CAPS2: variants seen among roughly 807,000 people sequenced by gnomAD.
The protein encoded by CAPS2 is calcyphosine 2.
Under a neutral mutation model 86.5 loss-of-function variants are expected in CAPS2, and 98 were observed. The observed-to-expected ratio is 1.13, with a 90% CI of 0.96 to 1.34. The LOEUF is 1.34. CAPS2 is among the 40% of genes most tolerant of loss of function. The pLI, the probability that CAPS2 is intolerant of heterozygous loss-of-function variation, is 0.00. For missense variants in CAPS2, 729 were observed against 686.8 expected (o/e 1.06, Z -0.69); for synonymous variants, 210 against 225.1 (o/e 0.93, Z 0.60).
intron 11 of CAPS2, among the ~76,000 whole-genome samples, chr12:75,293,729 G>A (rs1379950035): frequency 6.6e-6 from 1 of 152,142 alleles, no homozygotes; most frequent in Non-Finnish European, 1.5e-5. Context: ...GAAGAACTGT[G>A]AAGATTTCTC....
chr12:75,375,823 G>A (rs369864799), intron 1 of CAPS2, among the ~76,000 whole-genome samples: 34 of 152,104 alleles, frequency 2.2e-4, no homozygotes, highest in African/African-American at 7.5e-4. Context: ...TGTCTTTGAC[G>A]GTTGAGTGCC....
intron 1 of CAPS2, among the ~76,000 whole-genome samples, chr12:75,355,816 T>C (rs1223681517): frequency 6.6e-6 from 1 of 152,190 alleles, no homozygotes; most frequent in Non-Finnish European, 1.5e-5. Context: ...AATGAGATCA[T>C]GTCATTTGCA....
At chr12:75,370,112 G>A (rs745613464) in intron 1 of CAPS2, 1 of 1,607,406 alleles carries the variant, frequency 6.2e-7, no homozygotes, top group Admixed American at 1.7e-5. Flanking sequence ...CCAACGGGGA[G>A]AGCACCTCAG....
chr12:75,335,589 A>T (rs1467291195), intron 1 of CAPS2, among the ~76,000 whole-genome samples: 1 of 152,156 alleles, frequency 6.6e-6, no homozygotes, highest in Non-Finnish European at 1.5e-5. Context: ...TATAACTCAT[A>T]TCTATTCCAG....
At chr12:75,361,670 G>A (rs2043602599) in intron 1 of CAPS2, among the ~76,000 whole-genome samples, 1 of 152,200 alleles carries the variant, frequency 6.6e-6, no homozygotes, top group Non-Finnish European at 1.5e-5. Flanking sequence ...CTTCCTTACA[G>A]TGCAGCAGGA....
At chr12:75,324,483 A>C (rs1263671413) in intron 2 of CAPS2, among the ~76,000 whole-genome samples, 2 of 152,190 alleles carry the variant, frequency 1.3e-5, no homozygotes. Flanking sequence ...ATCAGTCCTT[A>C]AACTTTTCTC....
upstream of CAPS2, chr12:75,326,518 A>G (rs2040802151): frequency 4.1e-6 from 6 of 1,470,542 alleles, no homozygotes; most frequent in African/African-American, 1.4e-5. Context: ...TGTGTTTATC[A>G]TGCAGTATAC....
At chr12:75,276,177 T>A, downstream of CAPS2, 1 of 1,529,980 alleles carries the variant, frequency 6.5e-7, no homozygotes, top group Non-Finnish European at 8.8e-7. Context: ...ATATGCCCAT[T>A]ACCTTCTATT....
chr12:75,299,493 T>C lies in CAPS2; in HGVS notation c.854+344A>G, dbSNP rs572772192. On this transcript the variant is annotated intron_variant, in intron 9 of 16. Coordinates refer to ENST00000393284, the Ensembl canonical transcript of CAPS2. Reference sequence around the variant, plus strand: ...CTGCACCTATCAATAATCTGTTAAATCATTAAGATAAAATTAAATAAAGCA... The same window carrying C: ...CTGCACCTATCAATAATCTGTTAAACCATTAAGATAAAATTAAATAAAGCA... Among the ~76,000 whole-genome samples, 5 of 152,248 alleles carry C rather than the reference T, an allele frequency of 3.3e-5. No homozygotes were observed. The East Asian group carries it at 9.6e-4, about 29-fold the overall frequency.
At chr12:75,387,158 T>A (rs1331300654) in intron 1 of CAPS2, among the ~76,000 whole-genome samples, 1 of 152,128 alleles carries the variant, frequency 6.6e-6, no homozygotes, top group East Asian at 1.9e-4. Flanking sequence ...TTACAGAAGA[T>A]ATATGCAATA....
At chr12:75,362,062 T>C (rs931366824) in intron 1 of CAPS2, among the ~76,000 whole-genome samples, 1 of 152,002 alleles carries the variant, frequency 6.6e-6, no homozygotes, top group Non-Finnish European at 1.5e-5. Flanking sequence ...AAAGACACTG[T>C]TAAGAGAATG....
chr12:75,307,845 A>C (rs1217456885), intron 7 of CAPS2, among the ~76,000 whole-genome samples: 15 of 152,196 alleles, frequency 9.9e-5, no homozygotes, highest in Non-Finnish European at 1.5e-5. Flanking sequence ...GATTCAATTA[A>C]TAATATAAGG....
intron 7 of CAPS2, chr12:75,306,080 G>T: frequency 6.8e-7 from 1 of 1,466,338 alleles, no homozygotes; most frequent in Non-Finnish European, 9.4e-7. Context: ...TGCGCGTCCT[G>T]GGGCTGCGGC....
chr12:75,282,338 T>C, exon 16 of CAPS2: 1 of 1,591,108 alleles, frequency 6.3e-7, no homozygotes, highest in Non-Finnish European at 8.6e-7. Flanking sequence ...AAATCCAGTT[T>C]CATAAAGGCC....
At chr12:75,345,113 T>TA (rs1445568943) in intron 1 of CAPS2, among the ~76,000 whole-genome samples, 4 of 152,050 alleles carry the variant, frequency 2.6e-5, no homozygotes, top group Non-Finnish European at 5.9e-5. Context: ...TCTCACCTCT[T>TA]CAGTACTATG....
chr12:75,299,072 T>A, intron 9 of CAPS2, 106 bp from the exon 10 acceptor site: 1 of 689,230 alleles, frequency 1.5e-6, no homozygotes, highest in Non-Finnish European at 2.4e-6. Flanking sequence ...CTCTTATGTA[T>A]GTGGCAATGA....
chr12:75,287,822 C>A (rs777727331), intron 14 of CAPS2, among the ~76,000 whole-genome samples: 7 of 152,144 alleles, frequency 4.6e-5, no homozygotes, highest in Non-Finnish European at 7.3e-5. Flanking sequence ...ACCCCCAACT[C>A]GAAATTAGTT....
intron 1 of CAPS2, among the ~76,000 whole-genome samples, chr12:75,378,596 ATGT>A (rs1301450980): frequency 6.6e-6 from 1 of 152,150 alleles, no homozygotes; most frequent in Non-Finnish European, 1.5e-5. Context: ...CTCAGGCAAA[ATGT>A]TTATGTTGCA....
intron 1 of CAPS2, chr12:75,369,674 T>C (rs1326446606): frequency 6.1e-6 from 6 of 984,506 alleles, no homozygotes; most frequent in East Asian, 1.1e-4. Context: ...AATGAAAGAG[T>C]GGGAAAAATA....
Sources: gnomAD v4.1 joint callset for allele counts (sites outside exome capture counted in the v4.1 genomes callset) on GRCh38, gnomAD v4.1.1 for gene constraint, MANE v1.5 for transcripts, NCBI Gene and HGNC (gene_info 2026-07-23, HGNC 2026-07-21) for gene names.